NALF1: variants seen among roughly 807,000 people sequenced by gnomAD.
NALF1 encodes family with sequence similarity 155 member A.
In NALF1, 3 loss-of-function variants were observed where a neutral mutation model predicts 48.4. The ratio of observed to expected loss-of-function variants is 0.06; its 90% CI spans 0.03 to 0.16. NALF1 has a LOEUF of 0.16. NALF1 is among the 10% of genes least tolerant of loss of function. The pLI, the probability that NALF1 is intolerant of heterozygous loss-of-function variation, is 1.00. For missense variants in NALF1, 526 were observed against 571.5 expected (o/e 0.92, Z 0.81); for synonymous variants, 262 against 245.7 (o/e 1.07, Z -0.62).
chr13:107,211,087 T>C (rs1414588122), intron 1 of NALF1, among the ~76,000 whole-genome samples: 6 of 152,198 alleles, frequency 3.9e-5, no homozygotes, highest in Non-Finnish European at 8.8e-5. Context: ...GTAAAATAAA[T>C]AATTGACTCT....
rs187581749 is a variant in NALF1 at position 107,739,423 on chromosome 13, A to T, written c.915+126259T>A. Among the ~76,000 whole-genome samples the T allele has an allele frequency of 1.6e-3, 242 of 147,228 alleles. 2 individuals carry two copies. The highest frequency in any genetic ancestry group is 5.5e-3 in the African/African-American group (225 of 40,852). The stretch of plus-strand genomic sequence containing the variant: ...ACATATGTATAAATTCATATATAAC[A>T]TATAAAATATATAATATTATATATT... On this transcript the variant is annotated intron_variant, in intron 1 of 2. Coordinates refer to ENST00000375915, the MANE Select transcript of NALF1 (RefSeq NM_001080396.3).
chr13:107,312,557 A>G (rs1272153752), intron 1 of NALF1, among the ~76,000 whole-genome samples: 1 of 152,168 alleles, frequency 6.6e-6, no homozygotes, highest in Non-Finnish European at 1.5e-5. Context: ...TGTACCCTAA[A>G]GCTTAAAGTA....
chr13:107,346,934 A>G (rs1300352577), intron 1 of NALF1, among the ~76,000 whole-genome samples: 1 of 152,198 alleles, frequency 6.6e-6, no homozygotes, highest in African/African-American at 2.4e-5. Flanking sequence ...AAGAAGGCTC[A>G]CAGTTTTACC....
intron 1 of NALF1, among the ~76,000 whole-genome samples, chr13:107,727,986 T>C (rs1482513890): frequency 6.6e-6 from 1 of 152,168 alleles, no homozygotes; most frequent in African/African-American, 2.4e-5. Context: ...CACAATGAGA[T>C]ACCATCTCAT....
intron 1 of NALF1, among the ~76,000 whole-genome samples, chr13:107,613,966 TTC>T (rs1879308470): frequency 6.6e-6 from 1 of 152,196 alleles, no homozygotes; most frequent in Non-Finnish European, 1.5e-5. Flanking sequence ...CTATTGATAT[TTC>T]TGTTTTAAAG....
intron 1 of NALF1, among the ~76,000 whole-genome samples, chr13:107,416,710 T>C (rs1371946618): frequency 6.6e-6 from 1 of 152,204 alleles, no homozygotes; most frequent in Non-Finnish European, 1.5e-5. Context: ...AAAAGTTACA[T>C]GCAGATTTCT....
At chr13:107,544,260 TA>T (rs1423542012) in intron 1 of NALF1, among the ~76,000 whole-genome samples, 1 of 152,162 alleles carries the variant, frequency 6.6e-6, no homozygotes, top group East Asian at 1.9e-4. Flanking sequence ...AGACACTCTC[TA>T]GGATACCGAA....
At chr13:107,503,996 G>A (rs1318122439) in intron 1 of NALF1, among the ~76,000 whole-genome samples, 1 of 151,518 alleles carries the variant, frequency 6.6e-6, no homozygotes, top group Non-Finnish European at 1.5e-5. Context: ...GCTCTTGCCT[G>A]TAATCCCAGC....
At chr13:107,717,364 C>T (rs1875852674) in intron 1 of NALF1, among the ~76,000 whole-genome samples, 1 of 152,104 alleles carries the variant, frequency 6.6e-6, no homozygotes, top group Admixed American at 6.5e-5. Context: ...TCTGAAGTCC[C>T]AGCACATACC....
At chr13:107,523,413 G>A (rs1357999020) in intron 1 of NALF1, among the ~76,000 whole-genome samples, 2 of 151,972 alleles carry the variant, frequency 1.3e-5, no homozygotes, top group Non-Finnish European at 2.9e-5. Flanking sequence ...GGGTACATGT[G>A]CACAACGTGC....
chr13:107,187,517 A>T (rs973988324), intron 2 of NALF1, among the ~76,000 whole-genome samples: 3 of 152,194 alleles, frequency 2.0e-5, no homozygotes, highest in Non-Finnish European at 4.4e-5. Flanking sequence ...TACTACCCAA[A>T]GGAGGTAAGA....
chr13:107,742,557 C>T lies in NALF1; in HGVS notation c.915+123125G>A, dbSNP rs192070951. Among the ~76,000 whole-genome samples the T allele has an allele frequency of 3.6e-3, 544 of 152,320 alleles. 3 individuals carry two copies. Among genetic ancestry groups the T allele is most frequent in the Non-Finnish European group, 6.4e-3 (437 of 68,036 alleles). On this transcript the variant is annotated intron_variant, in intron 1 of 2. Transcript: ENST00000375915. ...CGCCATGAGAAGCATGGGTTTACTT[C>T]CCCTTCCACCATGATTGTAAGTTTC...
Position 107,311,170 on chromosome 13 carries a change from T to C in NALF1, c.916-100415A>G, listed in dbSNP as rs539273243. On this transcript the variant is annotated intron_variant, in intron 1 of 2. Coordinates refer to ENST00000375915, the MANE Select transcript of NALF1 (RefSeq NM_001080396.3). ...TCCACTATCAGTACTGTTTGTATTA[T>C]TTTTTTGCTTGAAGGTACTTCATCT... Among the ~76,000 whole-genome samples the C allele has an allele frequency of 6.1e-4, 93 of 152,260 alleles. 1 individual carries two copies. The Middle Eastern group carries it at 0.014, about 22-fold the overall frequency.
In NALF1 at chr13:107,394,400, G is replaced by T. The variant is rs185235915; in HGVS notation, c.916-183645C>A. 3.8e-3 allele frequency among the ~76,000 whole-genome samples: 581 copies of T among 152,246 alleles called. 3 individuals carry two copies. Among genetic ancestry groups the T allele is most frequent in the African/African-American group, 0.014 (562 of 41,558 alleles). ...GTTTAAACTCTCTTCTAAATGTATAGAGTATATGTGCTGTGACTATATAAT... is the reference window on the plus strand; with the variant it reads ...GTTTAAACTCTCTTCTAAATGTATATAGTATATGTGCTGTGACTATATAAT... On this transcript the variant is annotated intron_variant, in intron 1 of 2. Coordinates refer to ENST00000375915, the MANE Select transcript of NALF1 (RefSeq NM_001080396.3).
At chr13:107,695,515 T>A (rs531813422) in intron 1 of NALF1, among the ~76,000 whole-genome samples, 2 of 152,206 alleles carry the variant, frequency 1.3e-5, no homozygotes, top group South Asian at 4.1e-4. Context: ...CAAATGATTT[T>A]GCTTATTCCT....
chr13:107,609,476 C>T (rs561495584), intron 1 of NALF1, among the ~76,000 whole-genome samples: 63 of 152,304 alleles, frequency 4.1e-4, no homozygotes, highest in African/African-American at 1.4e-3. Context: ...TCTGCTCCTG[C>T]TCTCAAGGGG....
intron 1 of NALF1, among the ~76,000 whole-genome samples, chr13:107,633,651 A>G (rs1175396455): frequency 1.3e-5 from 2 of 151,436 alleles, no homozygotes; most frequent in East Asian, 3.9e-4. Flanking sequence ...ATAACAGTGT[A>G]AAAACAAATC....
At chr13:107,412,784 G>A (rs1249782020) in intron 1 of NALF1, among the ~76,000 whole-genome samples, 4 of 152,148 alleles carry the variant, frequency 2.6e-5, no homozygotes, top group African/African-American at 7.2e-5. Context: ...TGTTGTGAGG[G>A]CACCGGTTTC....
intron 1 of NALF1, among the ~76,000 whole-genome samples, chr13:107,252,186 G>C (rs561284904): frequency 2.0e-5 from 3 of 152,176 alleles, no homozygotes; most frequent in Non-Finnish European, 2.9e-5. Flanking sequence ...GCCCAGTCAC[G>C]TGGTGTGATT....
Sources: gnomAD v4.1 joint callset for allele counts (sites outside exome capture counted in the v4.1 genomes callset) on GRCh38, gnomAD v4.1.1 for gene constraint, MANE v1.5 for transcripts, NCBI Gene and HGNC (gene_info 2026-07-23, HGNC 2026-07-21) for gene names.